The following SPOPL variants were observed in gnomAD, a reference collection of about 807,000 sequenced individuals.
The protein encoded by SPOPL is speckle-type POZ protein-like.
In SPOPL, 23 loss-of-function variants were observed where a neutral mutation model predicts 53.8. The observed-to-expected ratio is 0.43, with a 90% CI of 0.31 to 0.61. The LOEUF (loss-of-function observed/expected upper bound fraction) is 0.61, where lower values mean the gene tolerates loss of function less well. Ranked by LOEUF, SPOPL falls within the 20% of genes least tolerant of loss-of-function variation. SPOPL has a pLI of 0.12. For missense variants in SPOPL, 442 were observed against 466.9 expected (o/e 0.95, Z 0.49); for synonymous variants, 164 against 149.7 (o/e 1.10, Z -0.70).
intron 5 of SPOPL, among the ~76,000 whole-genome samples, chr2:138,558,490 T>A (rs905314481): frequency 1.3e-5 from 2 of 152,170 alleles, no homozygotes; most frequent in Non-Finnish European, 2.9e-5. Flanking sequence ...TAAATTAGTT[T>A]TACTAGAAGT....
intron 1 of SPOPL, among the ~76,000 whole-genome samples, chr2:138,536,933 G>A (rs1478977609): frequency 6.6e-6 from 1 of 152,206 alleles, no homozygotes; most frequent in African/African-American, 2.4e-5. Flanking sequence ...GAGCTGTGCT[G>A]GAGGGAGGCA....
chr2:138,535,648 G>A (rs1435812229), intron 1 of SPOPL, among the ~76,000 whole-genome samples: 1 of 138,504 alleles, frequency 7.2e-6, no homozygotes, highest in Non-Finnish European at 1.5e-5. Context: ...GGAGTTGATT[G>A]AGCTCCTTAA....
Position 138,550,092 on chromosome 2 carries a change from G to A in SPOPL, c.-60-65G>A, listed in dbSNP as rs80061023. 960 of 716,562 alleles carry A rather than the reference G, an allele frequency of 1.3e-3. 1 individual carries two copies. The highest frequency in any genetic ancestry group is 1.8e-3 in the Non-Finnish European group (774 of 420,648). The allele number at this position is 716,562 out of a possible 1,614,324, so 44.4% of individuals were successfully genotyped here. A position where few individuals can be genotyped will look rare whatever the true frequency, so the allele number is the denominator to read the frequency against. ...AATTGTTTCATGTCTGTTTAAATAT[G>A]TCTTCCCTCTTGATTCTGTCGTTTA... On this transcript the variant is annotated intron_variant, in intron 1 of 10. Coordinates refer to ENST00000280098, the MANE Select transcript of SPOPL (RefSeq NM_001001664.3).
intron 1 of SPOPL, among the ~76,000 whole-genome samples, chr2:138,507,956 T>C (rs996632314): frequency 3.9e-5 from 6 of 152,248 alleles, no homozygotes; most frequent in Non-Finnish European, 8.8e-5. Flanking sequence ...TGACTTATTA[T>C]GGAAGAAATT....
chr2:138,503,007 A>G (rs1469034002), intron 1 of SPOPL, among the ~76,000 whole-genome samples: 1 of 152,130 alleles, frequency 6.6e-6, no homozygotes, highest in East Asian at 1.9e-4. Flanking sequence ...TCTTGGGCCT[A>G]GTTTGACCCA....
chr2:138,506,739 C>G (rs1399782651), intron 1 of SPOPL, among the ~76,000 whole-genome samples: 1 of 152,000 alleles, frequency 6.6e-6, no homozygotes, highest in Non-Finnish European at 1.5e-5. Flanking sequence ...GTAGAGATGC[C>G]TAGTAGCAAT....
chr2:138,535,438 CG>C (rs1168692558), intron 1 of SPOPL, among the ~76,000 whole-genome samples: 1 of 150,728 alleles, frequency 6.6e-6, no homozygotes, highest in East Asian at 1.9e-4. Context: ...TTTTCCACAG[CG>C]GTTAAACCAT....
At chr2:138,515,341 T>C (rs1478644958) in intron 1 of SPOPL, among the ~76,000 whole-genome samples, 1 of 152,220 alleles carries the variant, frequency 6.6e-6, no homozygotes, top group East Asian at 1.9e-4. Context: ...TCTACCCAGA[T>C]TGCAGGTTGT....
intron 1 of SPOPL, among the ~76,000 whole-genome samples, chr2:138,519,325 A>G (rs529294134): frequency 6.6e-6 from 1 of 152,248 alleles, no homozygotes; most frequent in African/African-American, 2.4e-5. Context: ...AAAGATGGAA[A>G]TATAGTAATC....
Position 138,504,534 on chromosome 2 carries a change from T to C in SPOPL, c.-61+2415T>C, listed in dbSNP as rs1001454672. ...TTAACATCTACTCTATGCCTGGCACTGTTTCTTAGTTTTGTAAATATTCTT... is the reference window on the plus strand; with the variant it reads ...TTAACATCTACTCTATGCCTGGCACCGTTTCTTAGTTTTGTAAATATTCTT... On this transcript the variant is annotated intron_variant, in intron 1 of 10. Coordinates refer to ENST00000280098, the MANE Select transcript of SPOPL (RefSeq NM_001001664.3). Among the ~76,000 whole-genome samples, 7 of 152,340 alleles carry C rather than the reference T, an allele frequency of 4.6e-5. No individual in the cohort carries two copies. The South Asian group carries it at 6.2e-4, about 14-fold the overall frequency.
rs530353812 is a variant in SPOPL at position 138,535,439 on chromosome 2, G to A, written c.-60-14718G>A. ...GAATCCTTAAACTGTTTTCCACAGC[G>A]GTTAAACCATTATACATCTCCACAA... On this transcript the variant is annotated intron_variant, in intron 1 of 10. Transcript: ENST00000280098. Among the ~76,000 whole-genome samples the A allele has an allele frequency of 1.5e-4, 23 of 151,196 alleles. No homozygotes were observed. The South Asian group carries it at 1.9e-3, about 12-fold the overall frequency.
intron 1 of SPOPL, among the ~76,000 whole-genome samples, chr2:138,539,577 A>G (rs551851393): frequency 1.2e-4 from 17 of 145,206 alleles, no homozygotes; most frequent in Middle Eastern, 7.0e-3. Context: ...CATATCCTTC[A>G]GCCACTTTTT....
intron 1 of SPOPL, among the ~76,000 whole-genome samples, chr2:138,511,850 A>G (rs1684331349): frequency 6.6e-6 from 1 of 152,174 alleles, no homozygotes; most frequent in Admixed American, 6.5e-5. Context: ...GAGCATAGAG[A>G]CTAGGAGCAT....
intron 10 of SPOPL, among the ~76,000 whole-genome samples, chr2:138,565,608 T>G (rs1685643746): frequency 1.3e-5 from 2 of 152,212 alleles, no homozygotes; most frequent in Admixed American, 6.5e-5. Flanking sequence ...TTTGTTATTA[T>G]TTGAAATCAC....
intron 1 of SPOPL, among the ~76,000 whole-genome samples, chr2:138,534,350 A>G (rs1340396084): frequency 6.6e-6 from 1 of 152,222 alleles, no homozygotes; most frequent in Admixed American, 6.5e-5. Context: ...TTTACATAGC[A>G]TTTACATTGT....
intron 10 of SPOPL, among the ~76,000 whole-genome samples, chr2:138,567,107 T>C (rs1451067832): frequency 6.6e-6 from 1 of 152,194 alleles, no homozygotes; most frequent in East Asian, 1.9e-4. Flanking sequence ...GCATGACATA[T>C]ATTTTCCCTG....
chr2:138,517,775 G>A (rs897669944), intron 1 of SPOPL, among the ~76,000 whole-genome samples: 14 of 151,376 alleles, frequency 9.2e-5, no homozygotes, highest in Middle Eastern at 6.9e-3. Flanking sequence ...GCCAGGGCAC[G>A]GTGGCTCATG....
chr2:138,545,582 T>C (rs892245363), intron 1 of SPOPL, among the ~76,000 whole-genome samples: 12 of 137,706 alleles, frequency 8.7e-5, no homozygotes, highest in East Asian at 4.4e-4. Context: ...TATAGGCGCC[T>C]GCCATCACAC....
At chr2:138,523,837 C>T (rs1238686878) in intron 1 of SPOPL, among the ~76,000 whole-genome samples, 1 of 152,180 alleles carries the variant, frequency 6.6e-6, no homozygotes, top group African/African-American at 2.4e-5. Context: ...GTACAGCCTC[C>T]CTCCTGACTG....
Sources: allele counts gnomAD v4.1 joint callset (sites outside exome capture counted in the v4.1 genomes callset), GRCh38; gene constraint gnomAD v4.1.1; transcripts MANE v1.5; gene names NCBI Gene and HGNC (gene_info 2026-07-23, HGNC 2026-07-21).